The following MMD variants were observed in gnomAD, a reference collection of about 807,000 sequenced individuals.
The protein encoded by MMD is monocyte to macrophage differentiation associated.
A neutral mutation model predicts 33.6 loss-of-function variants in MMD; 22 were observed. The ratio of observed to expected loss-of-function variants is 0.66; its 90% confidence interval spans 0.47 to 0.94. The LOEUF (loss-of-function observed/expected upper bound fraction) is 0.94. Among genes scored for constraint, MMD ranks in the 40% least tolerant of loss-of-function variants. The pLI, the probability that MMD is intolerant of heterozygous loss-of-function variation, is 0.00. For missense variants in MMD, 242 were observed against 309.8 expected (o/e 0.78, Z 1.64); for synonymous variants, 97 against 103.2 (o/e 0.94, Z 0.36).
Position 55,421,776 on chromosome 17 carries a change from G to A in MMD, c.-81C>T. ...CGGGCGCGCGGCCCTCATGGGCTTGGGCTGCTCCGGAGGCCGCCTGCGTGT... is the reference window on the plus strand; with the variant it reads ...CGGGCGCGCGGCCCTCATGGGCTTGAGCTGCTCCGGAGGCCGCCTGCGTGT... On this transcript the variant is annotated 5_prime_UTR_variant, in exon 1 of 7. Transcript: ENST00000262065. 1 of 1,479,046 alleles carries A rather than the reference G, an allele frequency of 6.8e-7. No homozygotes were observed. The highest frequency in any genetic ancestry group is 9.0e-7 in the Non-Finnish European group (1 of 1,111,628). The allele number at this position is 1,479,046 out of a possible 1,614,324, so 91.6% of individuals were successfully genotyped here. A position where few individuals can be genotyped will look rare whatever the true frequency, so the allele number is the denominator to read the frequency against.
At chr17:55,401,444 C>A in intron 6 of MMD, 25 bp downstream of exon 6, 1 of 1,565,360 alleles carries the variant, frequency 6.4e-7, no homozygotes, top group Non-Finnish European at 8.7e-7. Flanking sequence ...AAGAAAATAA[C>A]TAAAATTCTG....
At chr17:55,403,931 G>T (rs1485271619) in intron 4 of MMD, 63 bp from the exon 5 acceptor site, 2 of 1,295,832 alleles carry the variant, frequency 1.5e-6, no homozygotes, top group African/African-American at 1.5e-5. Context: ...CATAGAACCT[G>T]TGTCATTGAA....
chr17:55,403,457 T>TCACAGAGACTGAATCACAGA, intron 5 of MMD, among the ~76,000 whole-genome samples: 1 of 152,272 alleles, frequency 6.6e-6, no homozygotes, highest in East Asian at 1.9e-4. Context: ...TCTCACGTGA[T>TCACAGAGACTGAATCACAGA]GACTGAATCA....
Position 55,411,254 on chromosome 17 carries a change from T to C in MMD, c.269+3A>G, listed in dbSNP as rs1022489381. On this transcript the variant is annotated splice_donor_region_variant and intron_variant, in intron 3 of 6. Coordinates refer to ENST00000262065, the MANE Select transcript of MMD (RefSeq NM_012329.3). ...TGTTGAAACAGCATGTCATCCACTG[T>C]ACCTTAAGTGGCTCTTTTTCCATGA... 3 of 1,611,766 alleles carry C rather than the reference T, an allele frequency of 1.9e-6. No homozygotes were observed. Among genetic ancestry groups the C allele is most frequent in the Non-Finnish European group, 2.5e-6 (3 of 1,179,078 alleles).
chr17:55,420,979 C>CTA (rs1908163316), intron 1 of MMD, among the ~76,000 whole-genome samples: 1 of 152,178 alleles, frequency 6.6e-6, no homozygotes, highest in African/African-American at 2.4e-5. Context: ...TCCTCGTTTC[C>CTA]TAACACCGGC....
intron 4 of MMD, 64 bp from the exon 5 acceptor site, chr17:55,403,932 T>G (rs989658312): frequency 2.3e-6 from 3 of 1,298,948 alleles, no homozygotes; most frequent in Non-Finnish European, 3.3e-6. Flanking sequence ...ATAGAACCTG[T>G]GTCATTGAAA....
intron 6 of MMD, among the ~76,000 whole-genome samples, chr17:55,396,423 A>G (rs964560547): frequency 1.5e-4 from 23 of 152,056 alleles, no homozygotes; most frequent in African/African-American, 5.6e-4. Flanking sequence ...CTAATTACTG[A>G]TATGGTTGTA....
chr17:55,419,415 G>A (rs961184700), intron 1 of MMD, among the ~76,000 whole-genome samples: 6 of 152,132 alleles, frequency 3.9e-5, no homozygotes, highest in Non-Finnish European at 1.5e-5. Context: ...TCCTAAGTTT[G>A]TTAAGAAGCC....
At chr17:55,407,265 G>A (rs905951354) in intron 4 of MMD, among the ~76,000 whole-genome samples, 3 of 151,442 alleles carry the variant, frequency 2.0e-5, no homozygotes, top group South Asian at 2.1e-4. Flanking sequence ...GGAGGCAGAG[G>A]TTGCAGTGAG....
At chr17:55,407,275 G>C (rs1433074749) in intron 4 of MMD, among the ~76,000 whole-genome samples, 1 of 151,688 alleles carries the variant, frequency 6.6e-6, no homozygotes, top group Non-Finnish European at 1.5e-5. Context: ...GTTGCAGTGA[G>C]CCGAGATTGT....
intron 2 of MMD, 72 bp downstream of exon 2, chr17:55,414,079 T>C (rs2077887113): frequency 2.1e-6 from 3 of 1,409,558 alleles, no homozygotes; most frequent in Non-Finnish European, 3.0e-6. Flanking sequence ...CTGAGGTTAC[T>C]AGAGATAACT....
intron 1 of MMD, among the ~76,000 whole-genome samples, chr17:55,418,217 T>C (rs1363132777): frequency 2.0e-5 from 3 of 152,340 alleles, no homozygotes; most frequent in South Asian, 2.1e-4. Flanking sequence ...TATGTCACAA[T>C]TGGTAAGACT....
intron 3 of MMD, 134 bp downstream of exon 3, chr17:55,411,123 T>C (rs1425367007): frequency 2.1e-6 from 2 of 963,302 alleles, no homozygotes; most frequent in Non-Finnish European, 3.0e-6. Context: ...AATAATGGGA[T>C]AGTATTCTAG....
At chr17:55,409,948 TGTGTCCCAAA>T (rs1428927102) in intron 3 of MMD, among the ~76,000 whole-genome samples, 1 of 152,190 alleles carries the variant, frequency 6.6e-6, no homozygotes, top group Non-Finnish European at 1.5e-5. Context: ...CTCTTGTGAG[TGTGTCCCAAA>T]GTGCCCTTGT....
At chr17:55,402,087 C>CAAAAAAAAAAAAAAA (rs55724383) in intron 5 of MMD, among the ~76,000 whole-genome samples, 1 of 92,048 alleles carries the variant, frequency 1.1e-5, no homozygotes, top group African/African-American at 4.3e-5. Context: ...GACTCAGTCT[C>CAAAAAAAAAAAAAAA]AAAAAAAAAA....
intron 6 of MMD, 64 bp from the exon 7 acceptor site, chr17:55,394,598 A>G (rs774763728): frequency 2.0e-4 from 252 of 1,252,816 alleles, no homozygotes; most frequent in Non-Finnish European, 2.4e-4. Flanking sequence ...GCTACAGATA[A>G]CTGTAATTCT....
intron 2 of MMD, among the ~76,000 whole-genome samples, chr17:55,411,696 T>G (rs63034164): frequency 3.4e-5 from 3 of 87,834 alleles, no homozygotes; most frequent in Admixed American, 1.2e-4. Context: ...AAACAGATGG[T>G]TTTTTTTTTT....
intron 6 of MMD, among the ~76,000 whole-genome samples, chr17:55,394,748 A>C (rs925762979): frequency 6.6e-6 from 1 of 152,244 alleles, no homozygotes; most frequent in African/African-American, 2.4e-5. Context: ...GAGTTGAGCA[A>C]GCAATCACAT....
At chr17:55,407,926 G>A in intron 3 of MMD, 106 bp from the exon 4 acceptor site, 1 of 728,386 alleles carries the variant, frequency 1.4e-6, no homozygotes, top group Non-Finnish European at 2.2e-6. Flanking sequence ...TAGTTCTCAT[G>A]GCCTTTACAC....
Sources: allele counts gnomAD v4.1 joint callset (sites outside exome capture counted in the v4.1 genomes callset), GRCh38; gene constraint gnomAD v4.1.1; transcripts MANE v1.5; gene names NCBI Gene and HGNC (gene_info 2026-07-23, HGNC 2026-07-21).